MTURN: variants seen among roughly 807,000 people sequenced by gnomAD.
MTURN encodes maturin, neural progenitor differentiation regulator homolog, also known as maturin.
A neutral mutation model predicts 14.9 loss-of-function variants in MTURN; 7 were observed. The ratio of observed to expected loss-of-function variants is 0.47; its 90% CI spans 0.27 to 0.88. The LOEUF is 0.88. Among genes scored for constraint, MTURN ranks in the 40% least tolerant of loss-of-function variants. The pLI is 0.14. For synonymous variants in MTURN, 69 were observed against 72.5 expected (o/e 0.95, Z 0.25); for missense variants, 151 against 174.1 (o/e 0.87, Z 0.75).
In MTURN at chr7:30,143,032, G is replaced by A. The variant is rs547510522; in HGVS notation, c.163-3145G>A. 2.6e-5 allele frequency among the ~76,000 whole-genome samples: 4 copies of A among 152,298 alleles called. No individual in the cohort carries two copies. The South Asian group carries it at 6.2e-4, about 24-fold the overall frequency. On this transcript the variant is annotated intron_variant, in intron 1 of 2. Coordinates refer to ENST00000324453, the MANE Select transcript of MTURN (RefSeq NM_152793.3). ...TCAGTTGTGCATTTGTCTTTGTACA[G>A]GACTAAATCCTGTTCTCAGGAGCAC...
intron 2 of MTURN, among the ~76,000 whole-genome samples, chr7:30,149,985 C>T (rs1797184561): frequency 6.6e-6 from 1 of 152,188 alleles, no homozygotes; most frequent in Admixed American, 6.5e-5. Flanking sequence ...GGAACAGGTA[C>T]TACAGTCATG....
Position 30,135,184 on chromosome 7 carries a change from C to A in MTURN, c.48C>A (p.Asn16Lys), listed in dbSNP as rs962696948. 8 of 1,495,310 alleles carry A rather than the reference C, an allele frequency of 5.4e-6. No individual in the cohort carries two copies. The highest frequency in any genetic ancestry group is 7.1e-6 in the Non-Finnish European group (8 of 1,119,432). 92.6% of individuals were successfully genotyped at this position (1,495,310 alleles called of 1,614,324 possible). The change falls in exon 1 of 3, where the codon AAC (asparagine) becomes AAA (lysine). Residue 16 changes from asparagine to lysine, a missense_variant. By Grantham distance (94) the Asn-to-Lys change is moderately conservative (BLOSUM62 0). Transcript: ENST00000324453. ...ACGTTGCGGAGAAATGGTGCTCCAACACGCCCTTCGAGCTCATCGCCACCG... is the reference window on the plus strand; with the variant it reads ...ACGTTGCGGAGAAATGGTGCTCCAAAACGCCCTTCGAGCTCATCGCCACCG... The part of the protein sequence containing the change: ...LADVAEKWCS[N>K]TPFELIATEE...
intron 1 of MTURN, among the ~76,000 whole-genome samples, chr7:30,140,415 G>GTGTGTGTGTATATATATATATATATATA (rs33952294): frequency 0.47 from 66,645 of 142,970 alleles, 17,027 homozygotes; most frequent in East Asian, 0.61. Flanking sequence ...GTGTGTGTGT[G>GTGTGTGTGTATATATATATATATATATA]TATCCCCATT....
intron 1 of MTURN, chr7:30,137,488 T>C (rs1796982409): frequency 5.3e-5 from 22 of 413,412 alleles, no homozygotes; most frequent in South Asian, 3.9e-4. Flanking sequence ...AGATTTTAAA[T>C]ATTTTCCCAT....
chr7:30,144,698 C>T (rs974877828), intron 1 of MTURN, among the ~76,000 whole-genome samples: 2 of 152,082 alleles, frequency 1.3e-5, no homozygotes, highest in African/African-American at 4.8e-5. Flanking sequence ...ACATTGGCAC[C>T]TAGTTATTCT....
chr7:30,141,422 A>AG (rs1797050836), intron 1 of MTURN: 1 of 151,174 alleles, frequency 6.6e-6, no homozygotes, highest in East Asian at 1.9e-4. Flanking sequence ...CTCAAAAAAA[A>AG]AAAAAAAAAA....
chr7:30,137,437 T>C, intron 1 of MTURN: 1 of 361,858 alleles, frequency 2.8e-6, no homozygotes, highest in South Asian at 2.1e-5. Flanking sequence ...AAGTAAGAAG[T>C]ATTATATTAT....
chr7:30,152,127 G>A (rs1324184736), intron 2 of MTURN, among the ~76,000 whole-genome samples: 2 of 151,510 alleles, frequency 1.3e-5, no homozygotes, highest in African/African-American at 4.9e-5. Context: ...ATGGAATATT[G>A]ACAGTTTATC....
intron 2 of MTURN, among the ~76,000 whole-genome samples, chr7:30,149,890 C>A (rs1417997207): frequency 6.6e-6 from 1 of 152,210 alleles, no homozygotes; most frequent in Non-Finnish European, 1.5e-5. Flanking sequence ...GCTCTGCCTA[C>A]TGCACTCTAC....
At chr7:30,147,405 C>T (rs1562569405) in intron 2 of MTURN, among the ~76,000 whole-genome samples, 2 of 152,332 alleles carry the variant, frequency 1.3e-5, no homozygotes, top group Non-Finnish European at 2.9e-5. Context: ...TCTTGTGGTT[C>T]TCTGATGGCT....
rs778928474 is a variant in MTURN, at chr7:30,146,234, A to G, written c.220A>G (p.Ile74Val). 11 of 1,614,048 alleles carry G rather than the reference A, an allele frequency of 6.8e-6. No individual in the cohort carries two copies. In the East Asian group the frequency reaches 8.9e-5, roughly 13 times the overall value. ...TTTCTTGCAGCTAGCACAGGATTAC[A>G]TCTCCTCCTGCGGCAAGAAGACGCT... Reference protein sequence around the residue: ...LPFLQLAQDYISSCGKKTLHE... With the variant: ...LPFLQLAQDYVSSCGKKTLHE... The change falls in exon 2 of 3, where the codon ATC (isoleucine) becomes GTC (valine). Residue 74 changes from isoleucine (I) to valine (V), a missense_variant. Coordinates refer to ENST00000324453, the MANE Select transcript of MTURN (RefSeq NM_152793.3).
At position 30,158,896 on chromosome 7, in the gene MTURN, T is replaced by A. The variant is rs1325737420; in HGVS notation, c.*1348T>A. ...GTGGGTACGTTTAAACAGTCACACA[T>A]GTGCCTGTTAGGTTGTGAAAGTTTT... is the stretch of plus-strand genomic sequence containing the variant. On this transcript the variant is annotated 3_prime_UTR_variant, in exon 3 of 3. Transcript: ENST00000324453. 2 of 152,150 alleles carry A rather than the reference T, an allele frequency of 1.3e-5. No homozygotes were observed. Among genetic ancestry groups the A allele is most frequent in the East Asian group, 3.9e-4 (2 of 5,182 alleles). The allele number at this position is 152,150 out of a possible 1,614,324, so 9.4% of individuals were successfully genotyped here.
At chr7:30,155,628 G>T (rs1227929890) in intron 2 of MTURN, among the ~76,000 whole-genome samples, 1 of 152,220 alleles carries the variant, frequency 6.6e-6, no homozygotes, top group Non-Finnish European at 1.5e-5. Flanking sequence ...CAGAGTCTCT[G>T]AGGCAGCTGT....
chr7:30,143,355 C>CTT (rs35968379), intron 1 of MTURN, among the ~76,000 whole-genome samples: 84 of 136,762 alleles, frequency 6.1e-4, no homozygotes, highest in African/African-American at 2.0e-3. Flanking sequence ...TCCCTTTGTC[C>CTT]TTTTTTTTTT....
At chr7:30,137,973 G>T (rs915305262) in intron 1 of MTURN, among the ~76,000 whole-genome samples, 2 of 152,230 alleles carry the variant, frequency 1.3e-5, no homozygotes, top group East Asian at 3.9e-4. Context: ...TCATGTTCCT[G>T]GGGCAATTTT....
chr7:30,137,744 T>C (rs1413925060), intron 1 of MTURN: 2 of 453,316 alleles, frequency 4.4e-6, no homozygotes, highest in African/African-American at 4.1e-5. Context: ...CTTAGTTCTT[T>C]TCTTTTTCCC....
chr7:30,135,806 C>G (rs1225237374), intron 1 of MTURN, among the ~76,000 whole-genome samples: 1 of 152,346 alleles, frequency 6.6e-6, no homozygotes, highest in East Asian at 1.9e-4. Flanking sequence ...CCTCGCATTG[C>G]CCCTCCCGGG....
intron 2 of MTURN, among the ~76,000 whole-genome samples, chr7:30,147,017 A>G (rs932290153): frequency 6.6e-6 from 1 of 152,190 alleles, no homozygotes; most frequent in African/African-American, 2.4e-5. Context: ...AATACTGCAC[A>G]TGTTCAGTGG....
At chr7:30,139,730 G>A (rs529366001) in intron 1 of MTURN, among the ~76,000 whole-genome samples, 9 of 152,008 alleles carry the variant, frequency 5.9e-5, no homozygotes, top group East Asian at 1.9e-4. Context: ...TAAACAGGAC[G>A]CCTGTTTATT....
Sources: allele counts gnomAD v4.1 joint callset (sites outside exome capture counted in the v4.1 genomes callset), GRCh38; gene constraint gnomAD v4.1.1; transcripts MANE v1.5; gene names NCBI Gene and HGNC (gene_info 2026-07-23, HGNC 2026-07-21).